Variants in MYO6 observed in about 807,000 individuals in gnomAD.
The protein encoded by MYO6 is myosin VI.
In MYO6, 74 loss-of-function variants were observed where a neutral mutation model predicts 178.7. The ratio of observed to expected loss-of-function variants is 0.41; its 90% confidence interval spans 0.34 to 0.50. The LOEUF is 0.50. MYO6 is among the 20% of genes least tolerant of loss of function. MYO6 has a pLI of 0.09. For missense variants in MYO6, 1,330 were observed against 1,547.4 expected (o/e 0.86, Z 2.36); for synonymous variants, 477 against 504.6 (o/e 0.95, Z 0.73).
chr6:75,861,061 T>TG lies in MYO6; in HGVS notation c.1513dup (p.Glu505GlyfsTer7). ...ATCAAAAAGAAGGTTTAGGTGTTAA[T>TG]GAAGTGCATTATGTGGATAATCAGG... is the stretch of plus-strand genomic sequence containing the variant. On this transcript the variant is annotated frameshift_variant, in exon 15 of 35. Coordinates refer to ENST00000369977, the MANE Select transcript of MYO6 (RefSeq NM_004999.4). LOFTEE classifies it high-confidence loss of function. 6.2e-7 allele frequency: 1 copy of TG among 1,610,636 alleles called. No homozygotes were observed. Among genetic ancestry groups the TG allele is most frequent in the Non-Finnish European group, 8.5e-7 (1 of 1,177,070 alleles).
chr6:75,839,075 T>G (rs1773944983), intron 7 of MYO6, among the ~76,000 whole-genome samples: 1 of 152,176 alleles, frequency 6.6e-6, no homozygotes, highest in African/African-American at 2.4e-5. Context: ...GGGAATGATC[T>G]TTAAAAGAGT....
intron 9 of MYO6, 62 bp downstream of exon 9, chr6:75,841,440 AC>A: frequency 1.3e-6 from 2 of 1,508,794 alleles, no homozygotes; most frequent in Non-Finnish European, 1.8e-6. Flanking sequence ...TGTAATCCCA[AC>A]ACTTTGGGAG....
intron 1 of MYO6, among the ~76,000 whole-genome samples, chr6:75,781,429 A>G (rs934833237): frequency 2.6e-5 from 4 of 152,274 alleles, no homozygotes; most frequent in South Asian, 4.2e-4. Context: ...TGCACAGCAG[A>G]TATGCTACGT....
intron 33 of MYO6, among the ~76,000 whole-genome samples, chr6:75,913,732 T>TGTGAG (rs1780941000): frequency 6.8e-6 from 1 of 147,324 alleles, no homozygotes; most frequent in Admixed American, 6.6e-5. Flanking sequence ...ATAATAGTAG[T>TGTGAG]TTGTTTTCCT....
rs573856020 is a variant in MYO6 at position 75,804,308 on chromosome 6, C to T, written c.-47-13193C>T. ...CCACAGCCAACTGTTAACCTTGTGC[C>T]CCATTTTCTCACAGTATCTGGATAC... is the stretch of plus-strand genomic sequence containing the variant. On this transcript the variant is annotated intron_variant, in intron 1 of 34. Transcript: ENST00000369977. Among the ~76,000 whole-genome samples, 12 of 152,276 alleles carry T rather than the reference C, an allele frequency of 7.9e-5. 1 individual carries two copies. The South Asian group carries it at 2.5e-3, about 32-fold the overall frequency.
At chr6:75,806,099 G>A (rs759001398) in intron 1 of MYO6, among the ~76,000 whole-genome samples, 17 of 151,894 alleles carry the variant, frequency 1.1e-4, no homozygotes, top group Non-Finnish European at 2.2e-4. Context: ...TAAATATTTA[G>A]GATTCCAAAA....
intron 1 of MYO6, among the ~76,000 whole-genome samples, chr6:75,780,778 AC>A (rs1407214877): frequency 6.6e-6 from 1 of 151,814 alleles, no homozygotes; most frequent in Admixed American, 6.6e-5. Flanking sequence ...GTAATCCTGG[AC>A]CTTAAACTCT....
intron 3 of MYO6, among the ~76,000 whole-genome samples, chr6:75,823,541 T>C (rs773383454): frequency 6.6e-6 from 1 of 152,234 alleles, no homozygotes; most frequent in Non-Finnish European, 1.5e-5. Flanking sequence ...TTAACAATTA[T>C]GTACAGTTGT....
intron 28 of MYO6, chr6:75,894,764 T>C: frequency 7.6e-7 from 1 of 1,319,648 alleles, no homozygotes; most frequent in Non-Finnish European, 1.0e-6. Flanking sequence ...AAAATGTATA[T>C]ATTATAGATA....
At chr6:75,855,376 G>T in intron 12 of MYO6, 93 bp downstream of exon 12, 1 of 1,313,720 alleles carries the variant, frequency 7.6e-7, no homozygotes, top group South Asian at 1.3e-5. Context: ...CCTGAGCTTG[G>T]TAGATCAAAA....
At chr6:75,900,548 C>T (rs1302252111) in intron 30 of MYO6, among the ~76,000 whole-genome samples, 1 of 152,128 alleles carries the variant, frequency 6.6e-6, no homozygotes, top group Non-Finnish European at 1.5e-5. Flanking sequence ...TGAGAAGTGT[C>T]TGTTCATGTC....
At position 75,914,178 on chromosome 6, in the gene MYO6, T is replaced by A. The variant is rs1445805974; in HGVS notation, c.3555T>A (p.Pro1185=). The change falls in exon 34 of 35, where the codon CCT becomes CCA. Residue 1185 remains proline, a synonymous_variant. Coordinates refer to ENST00000369977, the MANE Select transcript of MYO6 (RefSeq NM_004999.4). ...FIRPADQYKD[P]QSKKKGWWYA... ...GCCCTGCCGACCAGTACAAAGACCC[T>A]CAGAGTAAGAAAAAAGGCTGGTGGT... The A allele has an allele frequency of 1.2e-6, 2 of 1,613,888 alleles. No individual in the cohort carries two copies. Among genetic ancestry groups the A allele is most frequent in the Admixed American group, 3.3e-5 (2 of 59,968 alleles).
At chr6:75,851,347 A>G (rs1232977325) in intron 11 of MYO6, among the ~76,000 whole-genome samples, 1 of 152,260 alleles carries the variant, frequency 6.6e-6, no homozygotes, top group Non-Finnish European at 1.5e-5. Context: ...CAATAAGATT[A>G]ATATGTGATT....
At chr6:75,870,221 T>C (rs1777029724) in intron 18 of MYO6, among the ~76,000 whole-genome samples, 1 of 152,210 alleles carries the variant, frequency 6.6e-6, no homozygotes, top group Admixed American at 6.5e-5. Context: ...TATTAGTGTA[T>C]ATTTTAAACA....
At chr6:75,881,945 G>A (rs1778065529) in intron 23 of MYO6, 127 bp downstream of exon 23, 4 of 1,055,574 alleles carry the variant, frequency 3.8e-6, no homozygotes, top group Admixed American at 3.9e-5. Context: ...TGGGTCCCAG[G>A]TTCCTATTTG....
chr6:75,784,664 T>G, intron 1 of MYO6, among the ~76,000 whole-genome samples: 1 of 150,230 alleles, frequency 6.7e-6, no homozygotes, highest in Non-Finnish European at 1.5e-5. Context: ...GTAGTCCCAG[T>G]TACTTGGGAG....
chr6:75,817,122 G>A (rs993696219), intron 1 of MYO6, among the ~76,000 whole-genome samples: 3 of 152,052 alleles, frequency 2.0e-5, no homozygotes, highest in Non-Finnish European at 2.9e-5. Context: ...TGGCTAACAC[G>A]GTGAAATCCC....
At position 75,867,100 on chromosome 6, in the gene MYO6, T is replaced by G. The variant is rs752585373; in HGVS notation, c.1939T>G (p.Phe647Val). 42 of 1,610,090 alleles carry G rather than the reference T, an allele frequency of 2.6e-5. No individual in the cohort carries two copies. Among genetic ancestry groups the G allele is most frequent in the Non-Finnish European group, 3.5e-5 (41 of 1,178,046 alleles). ...TAGCTTCATCAGCGTGGGAAACAAGTTTAAGGTATTTGTGTTATTTAATTT... is the reference window on the plus strand; with the variant it reads ...TAGCTTCATCAGCGTGGGAAACAAGGTTAAGGTATTTGTGTTATTTAATTT... ...KLSFISVGNK[F>V]KTQLNLLLDK... The change falls in exon 18 of 35, where the codon TTT becomes GTT. Residue 647 changes from phenylalanine to valine, a missense_variant. This residue lies in a region of MYO6 where 613 missense variants were observed against 816.8 expected (regional missense o/e 0.75). Coordinates refer to ENST00000369977, the MANE Select transcript of MYO6 (RefSeq NM_004999.4).
At chr6:75,816,831 G>C (rs1375972831) in intron 1 of MYO6, among the ~76,000 whole-genome samples, 2 of 152,102 alleles carry the variant, frequency 1.3e-5, no homozygotes, top group African/African-American at 2.4e-5. Context: ...TGCAAATGCA[G>C]AATACTTTAG....
Sources: gnomAD v4.1 joint callset for allele counts (sites outside exome capture counted in the v4.1 genomes callset) on GRCh38, gnomAD v4.1.1 for gene constraint, gnomAD v4.1.1 regional missense constraint, MANE v1.5 for transcripts, NCBI Gene and HGNC (gene_info 2026-07-23, HGNC 2026-07-21) for gene names.